The following LRRC4B variants were observed in gnomAD, a reference collection of about 807,000 sequenced individuals.
LRRC4B encodes leucine-rich repeat-containing protein 4B.
Under a neutral mutation model 7.3 loss-of-function variants are expected in LRRC4B, and 1 was observed. The ratio of observed to expected loss-of-function variants is 0.14; its 90% CI spans 0.05 to 0.65. LRRC4B has a LOEUF of 0.65. Ranked by LOEUF, LRRC4B falls within the 30% of genes least tolerant of loss-of-function variation. The pLI, the probability that LRRC4B is intolerant of heterozygous loss-of-function variation, is 0.84. For synonymous variants in LRRC4B, 500 were observed against 499.2 expected, an observed-to-expected ratio of 1.00 and a Z score of -0.02; for missense variants, 730 against 1,041.6, an observed-to-expected ratio of 0.70 and a Z score of 4.12.
intron 1 of LRRC4B, among the ~76,000 whole-genome samples, chr19:50,566,299 G>C (rs1006829599): frequency 6.6e-6 from 1 of 151,990 alleles, no homozygotes; most frequent in African/African-American, 2.4e-5. Flanking sequence ...TGCGCGGCCG[G>C]GACTTGGGAT....
In LRRC4B at chr19:50,534,811, G is replaced by T. The variant is rs200968091; in HGVS notation, c.297+13731C>A. Among the ~76,000 whole-genome samples, 7 of 152,196 alleles carry T rather than the reference G, an allele frequency of 4.6e-5. No individual in the cohort carries two copies. In the East Asian group the frequency reaches 1.2e-3, roughly 25 times the overall value. Reference sequence around the variant, plus strand: ...TGTGAAGAAATTCCTTATTAAAAATGTAACTGTGGTAAGAAAACAATTAAG... The same window carrying T: ...TGTGAAGAAATTCCTTATTAAAAATTTAACTGTGGTAAGAAAACAATTAAG... On this transcript the variant is annotated intron_variant, in intron 2 of 2. Coordinates refer to ENST00000652263, the MANE Select transcript of LRRC4B (RefSeq NM_001080457.2).
rs781582995 is a variant in LRRC4B at position 50,517,741 on chromosome 19, C to T, written c.1972G>A (p.Asp658Asn). The T allele has an allele frequency of 6.5e-6, 10 of 1,541,212 alleles. No homozygotes were observed. Among genetic ancestry groups the T allele is most frequent in the African/African-American group, 4.2e-5 (3 of 70,838 alleles). ...ACGTAGTGGTGGTGGTTGAGGTGGT[C>T]TCGCTCCAGGGCGGGCAGGGCCAGG... ...SHLALPALER[D>N]HLNHHHYVAA... The change falls in exon 3 of 3, where the codon GAC (aspartate) becomes AAC (asparagine). Residue 658 changes from aspartate to asparagine, a missense_variant. By Grantham distance (23) the Asp-to-Asn change is conservative. Coordinates refer to ENST00000652263, the MANE Select transcript of LRRC4B (RefSeq NM_001080457.2). This position sits in a 1 kb window ranked among gnomAD's most constrained non-coding sequence, Gnocchi z 6.6.
rs141056249 is a variant in LRRC4B at position 50,541,221 on chromosome 19, C to T, written c.297+7321G>A. Among the ~76,000 whole-genome samples, 13 of 150,594 alleles carry T rather than the reference C, an allele frequency of 8.6e-5. No homozygotes were observed. The East Asian group carries it at 1.9e-3, about 23-fold the overall frequency. On this transcript the variant is annotated intron_variant, in intron 2 of 2. Coordinates refer to ENST00000652263, the MANE Select transcript of LRRC4B (RefSeq NM_001080457.2). The stretch of plus-strand genomic sequence containing the variant: ...AAAAGAAAAGAAAAGAAAAATTAGC[C>T]GCTCACAGTGGGGTGTGCCTGTAAT...
chr19:50,534,421 T>G (rs1981178041), intron 2 of LRRC4B, among the ~76,000 whole-genome samples: 1 of 152,008 alleles, frequency 6.6e-6, no homozygotes, highest in African/African-American at 2.4e-5. Flanking sequence ...CCCCTCACCC[T>G]AACATCTTTA....
At position 50,553,190 on chromosome 19, in the gene LRRC4B, TAC is replaced by T. The variant is rs1982160211; in HGVS notation, c.-35-4319_-35-4318del. Among the ~76,000 whole-genome samples, 1 of 152,118 alleles carries T rather than the reference TAC, an allele frequency of 6.6e-6. No individual in the cohort carries two copies. The highest frequency in any genetic ancestry group is 1.5e-5 in the Non-Finnish European group (1 of 68,010). On this transcript the variant is annotated intron_variant, in intron 1 of 2. Coordinates refer to ENST00000652263, the MANE Select transcript of LRRC4B (RefSeq NM_001080457.2). The surrounding 1 kb of genome is among the most constrained non-coding windows in gnomAD (Gnocchi z 4.2). ...GGCTCCCATCTCCCTCTTGAACGAT[TAC>T]AGTGTCCTCCCCTCCAGCCTCCCCA...
chr19:50,523,269 T>C lies in LRRC4B; in HGVS notation c.298-3854A>G, dbSNP rs112847334. Among the ~76,000 whole-genome samples the C allele has an allele frequency of 5.8e-3, 879 of 151,498 alleles. 10 individuals are homozygous for C. Among genetic ancestry groups the C allele is most frequent in the African/African-American group, 0.02 (837 of 40,866 alleles). ...GTGCCAGGGAGAAGGGGACGGACAC[T>C]GGGGGAATGCGGTGTTACAGTATTA... On this transcript the variant is annotated intron_variant, in intron 2 of 2. Coordinates refer to ENST00000652263, the MANE Select transcript of LRRC4B (RefSeq NM_001080457.2).
In LRRC4B at chr19:50,563,458, G is replaced by A. The variant is rs1982534176; in HGVS notation, c.-36+4486C>T. On this transcript the variant is annotated intron_variant, in intron 1 of 2. Transcript: ENST00000652263. This position sits in a 1 kb window ranked among gnomAD's most constrained non-coding sequence, Gnocchi z 4.9. ...CCCTTCACCCAGCAAGGGTGATGGT[G>A]GAGGGGATGCTGCTGGGCTTGAGCG... 6.6e-6 allele frequency among the ~76,000 whole-genome samples: 1 copy of A among 152,214 alleles called. No homozygotes were observed. The highest frequency in any genetic ancestry group is 2.4e-5 in the African/African-American group (1 of 41,462).
intron 2 of LRRC4B, among the ~76,000 whole-genome samples, chr19:50,543,531 C>A (rs1241334460): frequency 6.6e-6 from 1 of 151,992 alleles, no homozygotes; most frequent in African/African-American, 2.4e-5. Context: ...GATGTCCCCC[C>A]GGTGTTGTTC....
intron 2 of LRRC4B, among the ~76,000 whole-genome samples, chr19:50,525,946 A>T (rs1022890264): frequency 6.6e-6 from 1 of 152,162 alleles, no homozygotes; most frequent in Non-Finnish European, 1.5e-5. Flanking sequence ...GTTTGAACCC[A>T]GGAGGCGAGG....
intron 1 of LRRC4B, among the ~76,000 whole-genome samples, chr19:50,567,258 C>T (rs1387874945): frequency 6.6e-6 from 1 of 150,624 alleles, no homozygotes; most frequent in Admixed American, 6.6e-5. Flanking sequence ...GGTCAGGGAA[C>T]GGGGGTCTTG....
chr19:50,551,484 C>CCTTTCTCT (rs1224346584), intron 1 of LRRC4B, among the ~76,000 whole-genome samples: 1 of 146,732 alleles, frequency 6.8e-6, no homozygotes, highest in Non-Finnish European at 1.5e-5. Flanking sequence ...CGACTCTCCC[C>CCTTTCTCT]CGACCGCAGC....
intron 1 of LRRC4B, among the ~76,000 whole-genome samples, chr19:50,554,650 C>A (rs960951826): frequency 2.1e-4 from 32 of 152,210 alleles, no homozygotes; most frequent in African/African-American, 7.7e-4. Context: ...TGAATAATGA[C>A]ACCACCAAAG....
In LRRC4B at chr19:50,548,056, G is replaced by A. The variant is rs987013862; in HGVS notation, c.297+486C>T. Among the ~76,000 whole-genome samples, 4 of 152,150 alleles carry A rather than the reference G, an allele frequency of 2.6e-5. No individual in the cohort carries two copies. The highest frequency in any genetic ancestry group is 7.2e-5 in the African/African-American group (3 of 41,434). ...AGCACACAAGCTAACGCCCCAATAA[G>A]TACCAGACCCATCAGCCCTCACAGC... On this transcript the variant is annotated intron_variant, in intron 2 of 2. Coordinates refer to ENST00000652263, the MANE Select transcript of LRRC4B (RefSeq NM_001080457.2). This position sits in a 1 kb window ranked among gnomAD's most constrained non-coding sequence, Gnocchi z 6.8.
chr19:50,565,738 G>A (rs893173010), intron 1 of LRRC4B, among the ~76,000 whole-genome samples: 12 of 151,672 alleles, frequency 7.9e-5, no homozygotes, highest in African/African-American at 2.4e-4. Context: ...CAGGCACCCC[G>A]CGGGTCTGTC....
At chr19:50,528,325 G>A (rs1980907317) in intron 2 of LRRC4B, among the ~76,000 whole-genome samples, 1 of 152,068 alleles carries the variant, frequency 6.6e-6, no homozygotes, top group Admixed American at 6.6e-5. Flanking sequence ...ACAGGTGTGA[G>A]TCACTATGTC....
At chr19:50,535,981 C>T (rs1259774225) in intron 2 of LRRC4B, among the ~76,000 whole-genome samples, 6 of 152,220 alleles carry the variant, frequency 3.9e-5, no homozygotes, top group African/African-American at 1.4e-4. Context: ...TTGCCTAAGG[C>T]ACCTGCGGGT....
chr19:50,519,639 G>A lies in LRRC4B; in HGVS notation c.298-224C>T, dbSNP rs1014590056. ...CGCCTGTAATCTCAGCACTTTGGGA[G>A]GCCGAGGCAGGTGGATCACTTGAGG... On this transcript the variant is annotated intron_variant, in intron 2 of 2. Transcript: ENST00000652263. This position sits in a 1 kb window ranked among gnomAD's most constrained non-coding sequence, Gnocchi z 8.1. Among the ~76,000 whole-genome samples, 1 of 152,188 alleles carries A rather than the reference G, an allele frequency of 6.6e-6. No individual in the cohort carries two copies. The highest frequency in any genetic ancestry group is 2.4e-5 in the African/African-American group (1 of 41,444).
intron 2 of LRRC4B, among the ~76,000 whole-genome samples, chr19:50,520,762 C>T (rs185731598): frequency 1.3e-5 from 2 of 152,014 alleles, no homozygotes; most frequent in Admixed American, 1.3e-4. Context: ...CATTGGGAGA[C>T]CCTGTCTCTA....
At chr19:50,538,100 C>T (rs1303447280) in intron 2 of LRRC4B, among the ~76,000 whole-genome samples, 1 of 150,832 alleles carries the variant, frequency 6.6e-6, no homozygotes, top group Admixed American at 6.6e-5. Context: ...CTCTCTGTTG[C>T]CCAGGCTGGA....
Sources: gnomAD v4.1 joint callset for allele counts (sites outside exome capture counted in the v4.1 genomes callset) on GRCh38, gnomAD v4.1.1 for gene constraint, Gnocchi (gnomAD v3.1) non-coding constraint, MANE v1.5 for transcripts, NCBI Gene and HGNC (gene_info 2026-07-23, HGNC 2026-07-21) for gene names.